TIMP3: variants seen among roughly 807,000 people sequenced by gnomAD.
The protein encoded by TIMP3 is TIMP metallopeptidase inhibitor 3.
In TIMP3, 11 loss-of-function variants were observed where a neutral mutation model predicts 30.0. The ratio of observed to expected loss-of-function variants is 0.37; its 90% CI spans 0.23 to 0.61. The LOEUF (loss-of-function observed/expected upper bound fraction) is 0.61. Among genes scored for constraint, TIMP3 ranks in the 20% least tolerant of loss-of-function variants. TIMP3 has a pLI of 0.70. For synonymous variants in TIMP3, 112 were observed against 111.3 expected (o/e 1.01, Z -0.04); for missense variants, 181 against 276.8 (o/e 0.65, Z 2.45).
rs529122603 is a variant in TIMP3, at chr22:32,829,463, C to T, written c.122-19989C>T. 2.8e-3 allele frequency among the ~76,000 whole-genome samples: 424 copies of T among 152,280 alleles called. 2 individuals are homozygous for T. The highest frequency in any genetic ancestry group is 9.6e-3 in the African/African-American group (398 of 41,554). The stretch of plus-strand genomic sequence containing the variant: ...GCCTTCGGCATTTCATTTGCACCCA[C>T]ATGTAGGCTCACTTCTTGGCCTGGG... On this transcript the variant is annotated intron_variant, in intron 1 of 4. Transcript: ENST00000266085.
At chr22:32,831,546 C>T (rs1336614797) in intron 1 of TIMP3, among the ~76,000 whole-genome samples, 2 of 152,168 alleles carry the variant, frequency 1.3e-5, no homozygotes. Context: ...CATGGAGATG[C>T]TATCCTGGAA....
At chr22:32,811,691 T>TG (rs1343365841) in intron 1 of TIMP3, among the ~76,000 whole-genome samples, 1 of 152,094 alleles carries the variant, frequency 6.6e-6, no homozygotes, top group Non-Finnish European at 1.5e-5. Flanking sequence ...GGATGGTGAT[T>TG]GGGGGGTCGG....
intron 1 of TIMP3, among the ~76,000 whole-genome samples, chr22:32,808,047 T>A (rs1239730704): frequency 6.6e-6 from 1 of 152,134 alleles, no homozygotes; most frequent in Admixed American, 6.5e-5. Context: ...ATGGGAGTAT[T>A]TTCATAGGGA....
intron 1 of TIMP3, among the ~76,000 whole-genome samples, chr22:32,843,456 C>T (rs970726854): frequency 2.0e-5 from 3 of 152,196 alleles, no homozygotes; most frequent in African/African-American, 2.4e-5. Context: ...GCTTGCTTGG[C>T]GGGCTCCAGG....
At chr22:32,852,165 C>A (rs1272695530) in intron 2 of TIMP3, among the ~76,000 whole-genome samples, 1 of 152,206 alleles carries the variant, frequency 6.6e-6, no homozygotes, top group Non-Finnish European at 1.5e-5. Flanking sequence ...GGTGAGGCAA[C>A]TGAGACCTGG....
In TIMP3 at chr22:32,809,863, C is replaced by T. The variant is rs550509194; in HGVS notation, c.121+7741C>T. ...GGTATATCGCTGTCCTTTGCCCCTC[C>T]TGAGAATCTTTAGTTTCATGCCAGC... On this transcript the variant is annotated intron_variant, in intron 1 of 4. Transcript: ENST00000266085. Among the ~76,000 whole-genome samples, 33 of 152,302 alleles carry T rather than the reference C, an allele frequency of 2.2e-4. No individual in the cohort carries two copies. In the East Asian group the frequency reaches 5.6e-3, roughly 26 times the overall value.
intron 2 of TIMP3, among the ~76,000 whole-genome samples, chr22:32,854,363 T>C (rs1324380865): frequency 6.6e-6 from 1 of 152,176 alleles, no homozygotes; most frequent in Non-Finnish European, 1.5e-5. Flanking sequence ...AGTTGAGTTC[T>C]TACTGAGCAG....
At chr22:32,853,441 G>A (rs2048279512) in intron 2 of TIMP3, among the ~76,000 whole-genome samples, 1 of 152,216 alleles carries the variant, frequency 6.6e-6, no homozygotes. Context: ...AACTCATGCT[G>A]TCAATGTAGA....
At position 32,861,632 on chromosome 22, in the gene TIMP3, A is replaced by C. The variant is rs2048541016; in HGVS notation, c.*2255A>C. ...CTTGGGTGAAGGCTGAGTGTGAGGCACCTGAAGTTTCCCTGCGGAGTCGAT... is the reference window on the plus strand; with the variant it reads ...CTTGGGTGAAGGCTGAGTGTGAGGCCCCTGAAGTTTCCCTGCGGAGTCGAT... On this transcript the variant is annotated 3_prime_UTR_variant, in exon 5 of 5. Coordinates refer to ENST00000266085, the MANE Select transcript of TIMP3 (RefSeq NM_000362.5). 1 of 152,600 alleles carries C rather than the reference A, an allele frequency of 6.6e-6. No individual in the cohort carries two copies. The highest frequency in any genetic ancestry group is 1.5e-5 in the Non-Finnish European group (1 of 68,040). 9.5% of individuals were successfully genotyped at this position (152,600 alleles called of 1,614,324 possible).
At chr22:32,836,204 A>G (rs1024719339) in intron 1 of TIMP3, among the ~76,000 whole-genome samples, 7 of 152,230 alleles carry the variant, frequency 4.6e-5, no homozygotes, top group Admixed American at 1.3e-4. Context: ...CTGTTTGTAA[A>G]GTGTGTCTGT....
intron 4 of TIMP3, 82 bp downstream of exon 4, chr22:32,858,220 C>CATCTAAA: frequency 6.3e-7 from 1 of 1,581,156 alleles, no homozygotes; most frequent in Non-Finnish European, 8.6e-7. Flanking sequence ...GCACTGGGTG[C>CATCTAAA]CAGGCCCTCG....
chr22:32,817,899 A>G (rs930310662), intron 1 of TIMP3, among the ~76,000 whole-genome samples: 1 of 152,138 alleles, frequency 6.6e-6, no homozygotes, highest in Non-Finnish European at 1.5e-5. Context: ...TCTGGGCCAG[A>G]TCTCTCCCCT....
At chr22:32,846,053 T>C (rs2048053732) in intron 1 of TIMP3, among the ~76,000 whole-genome samples, 1 of 152,168 alleles carries the variant, frequency 6.6e-6, no homozygotes, top group African/African-American at 2.4e-5. Context: ...GGGCAGAATG[T>C]AACTTAATTT....
At chr22:32,818,540 C>T (rs919935931) in intron 1 of TIMP3, among the ~76,000 whole-genome samples, 10 of 152,102 alleles carry the variant, frequency 6.6e-5, no homozygotes, top group Admixed American at 2.6e-4. Flanking sequence ...TTCAGACTCT[C>T]GCTTTCAGAG....
chr22:32,814,179 A>G, intron 1 of TIMP3, among the ~76,000 whole-genome samples: 1 of 59,432 alleles, frequency 1.7e-5, no homozygotes, highest in Non-Finnish European at 3.2e-5. Flanking sequence ...AGAGAAAGAA[A>G]GAAAAGAAAG....
At chr22:32,836,727 C>T (rs1028551526) in intron 1 of TIMP3, among the ~76,000 whole-genome samples, 6 of 152,138 alleles carry the variant, frequency 3.9e-5, no homozygotes, top group Admixed American at 6.5e-5. Flanking sequence ...GCAGGTGGGC[C>T]TTCCAAACTA....
Position 32,826,461 on chromosome 22 carries a change from A to G in TIMP3, c.122-22991A>G, listed in dbSNP as rs570681070. On this transcript the variant is annotated intron_variant, in intron 1 of 4. Coordinates refer to ENST00000266085, the MANE Select transcript of TIMP3 (RefSeq NM_000362.5). Reference sequence around the variant, plus strand: ...ATAAATAAATAAATAAACAAAATTTAAAAAGGTAATAATGTAAGAAAATAA... The same window carrying G: ...ATAAATAAATAAATAAACAAAATTTGAAAAGGTAATAATGTAAGAAAATAA... 5.5e-4 allele frequency among the ~76,000 whole-genome samples: 83 copies of G among 152,280 alleles called. 1 individual carries two copies. The highest frequency in any genetic ancestry group is 1.9e-3 in the African/African-American group (81 of 41,562).
chr22:32,821,825 C>G (rs191968289), intron 1 of TIMP3, among the ~76,000 whole-genome samples: 1 of 152,220 alleles, frequency 6.6e-6, no homozygotes, highest in Non-Finnish European at 1.5e-5. Flanking sequence ...GTTCCCCCGT[C>G]ACTCACTGCC....
chr22:32,844,146 G>T (rs2047993366), intron 1 of TIMP3, among the ~76,000 whole-genome samples: 1 of 152,172 alleles, frequency 6.6e-6, no homozygotes, highest in South Asian at 2.1e-4. Context: ...CTGCCAGTAG[G>T]AAAGTCCAAC....
Sources: gnomAD v4.1 joint callset for allele counts (sites outside exome capture counted in the v4.1 genomes callset) on GRCh38, gnomAD v4.1.1 for gene constraint, MANE v1.5 for transcripts, NCBI Gene and HGNC (gene_info 2026-07-23, HGNC 2026-07-21) for gene names.